Variants in RERE observed in about 807,000 individuals in gnomAD.
RERE encodes the protein arginine-glutamic acid dipeptide repeats.
A neutral mutation model predicts 146.1 loss-of-function variants in RERE; 40 were observed. The observed-to-expected ratio is 0.27, with a 90% CI of 0.21 to 0.36. The LOEUF (loss-of-function observed/expected upper bound fraction) is 0.36. Ranked by LOEUF, RERE falls within the 10% of genes least tolerant of loss-of-function variation. The probability of loss-of-function intolerance (pLI) is 1.00; values close to 1 mark genes in which losing one functional copy is unlikely to be tolerated. For synonymous variants in RERE, 1,003 were observed against 866.0 expected (o/e 1.16, Z -2.78); for missense variants, 1,933 against 2,138.7 (o/e 0.90, Z 1.90).
intron 10 of RERE, among the ~76,000 whole-genome samples, chr1:8,486,421 T>C (rs1055791604): frequency 3.9e-5 from 6 of 152,152 alleles, no homozygotes; most frequent in Non-Finnish European, 7.4e-5. Flanking sequence ...CCCAAGTATC[T>C]GGAAATTAAG....
intron 21 of RERE, 110 bp from the exon 22 acceptor site, chr1:8,355,709 G>A: frequency 1.1e-6 from 1 of 946,606 alleles, no homozygotes. Flanking sequence ...TGCCAGTTCG[G>A]ACACAGGAGC....
Position 8,365,763 on chromosome 1 carries a change from C to A in RERE, c.1447+49G>T, listed in dbSNP as rs760996184. ...CGGGCCCAGAGTGGGACAGGCTGCC[C>A]GTGAACAGTCTCCCCTCCGCCCACT... On this transcript the variant is annotated intron_variant, in intron 13 of 22. Coordinates refer to ENST00000400908, the MANE Select transcript of RERE (RefSeq NM_001042681.2). 5.6e-6 allele frequency: 9 copies of A among 1,600,060 alleles called. No individual in the cohort carries two copies. In the African/African-American group the frequency reaches 1.2e-4, roughly 21 times the overall value.
intron 1 of RERE, among the ~76,000 whole-genome samples, chr1:8,699,593 T>C (rs1012292959): frequency 2.9e-4 from 44 of 152,206 alleles, no homozygotes; most frequent in African/African-American, 1.1e-3. Flanking sequence ...AATGAACTTG[T>C]GATATAACCT....
chr1:8,527,124 C>T (rs1325274565), intron 7 of RERE, among the ~76,000 whole-genome samples: 2 of 152,162 alleles, frequency 1.3e-5, no homozygotes, highest in South Asian at 2.1e-4. Context: ...CCCGTTTATG[C>T]TATGAAATAA....
At chr1:8,618,698 C>T (rs1002715763) in intron 3 of RERE, among the ~76,000 whole-genome samples, 1 of 152,156 alleles carries the variant, frequency 6.6e-6, no homozygotes, top group African/African-American at 2.4e-5. Context: ...AATGTGTGCA[C>T]AAAGAGTATG....
At chr1:8,374,325 C>T (rs1219916558) in intron 12 of RERE, among the ~76,000 whole-genome samples, 1 of 152,152 alleles carries the variant, frequency 6.6e-6, no homozygotes, top group Non-Finnish European at 1.5e-5. Flanking sequence ...ATGTTCCTTA[C>T]CCAGGCACCT....
chr1:8,510,998 C>A (rs1054336551), intron 7 of RERE, among the ~76,000 whole-genome samples: 11 of 152,042 alleles, frequency 7.2e-5, no homozygotes, highest in Admixed American at 5.2e-4. Flanking sequence ...CAAAGGGACC[C>A]CCACCTCAGC....
Position 8,582,565 on chromosome 1 carries a change from T to C in RERE, c.523-25042A>G, listed in dbSNP as rs1338577790. ...ATTTTAAGGGTTACTTTCTAAACCA[T>C]AGGAAAATTAGCTGGGTGTGGTGGT... On this transcript the variant is annotated intron_variant, in intron 4 of 22. Transcript: ENST00000400908. Among the ~76,000 whole-genome samples the C allele has an allele frequency of 2.6e-5, 4 of 152,108 alleles. No individual in the cohort carries two copies. In the South Asian group the frequency reaches 6.2e-4, roughly 24 times the overall value.
At chr1:8,367,603 G>A (rs1431895814) in intron 12 of RERE, among the ~76,000 whole-genome samples, 1 of 152,052 alleles carries the variant, frequency 6.6e-6, no homozygotes, top group South Asian at 2.1e-4. Context: ...GAGCCATCTC[G>A]GGACAAGCAC....
At chr1:8,588,349 C>T (rs548033529) in intron 4 of RERE, among the ~76,000 whole-genome samples, 95 of 152,280 alleles carry the variant, frequency 6.2e-4, no homozygotes, top group African/African-American at 2.0e-3. Context: ...ACACGTCTGA[C>T]TTTTTAAATT....
intron 1 of RERE, among the ~76,000 whole-genome samples, chr1:8,789,301 A>AAAAAAAAAAAAAAAATATATATATAT: frequency 1.6e-4 from 4 of 24,814 alleles, no homozygotes; most frequent in African/African-American, 4.6e-4. Context: ...AAAAAAAAAA[A>AAAAAAAAAAAAAAAATATATATATAT]ATATATATAT....
At chr1:8,660,327 A>C (rs1049320542) in intron 1 of RERE, among the ~76,000 whole-genome samples, 16 of 152,242 alleles carry the variant, frequency 1.1e-4, no homozygotes, top group African/African-American at 3.9e-4. Context: ...GAGAGGAACC[A>C]GATGGCACTG....
intron 9 of RERE, 46 bp from the exon 10 acceptor site, chr1:8,495,208 G>A (rs1322518261): frequency 1.4e-6 from 2 of 1,397,726 alleles, no homozygotes; most frequent in East Asian, 2.3e-5. Context: ...AGTAATATCA[G>A]GACAGAGACT....
Position 8,622,981 on chromosome 1 carries a change from T to C in RERE, c.396+1329A>G, listed in dbSNP as rs187866307. Among the ~76,000 whole-genome samples, 445 of 152,254 alleles carry C rather than the reference T, an allele frequency of 2.9e-3. 3 individuals are homozygous for C. Among genetic ancestry groups the C allele is most frequent in the African/African-American group, 0.01 (424 of 41,538 alleles). On this transcript the variant is annotated intron_variant, in intron 3 of 22. Transcript: ENST00000400908. The stretch of plus-strand genomic sequence containing the variant: ...GAGCATTCACAGATAGTGATACACA[T>C]CTCTACAAAGCTAAGGAATTACGAA...
rs1468001095 is a variant in RERE at position 8,423,779 on chromosome 1, A to G, written c.1204-972T>C. 5.1e-6 allele frequency: 4 copies of G among 778,246 alleles called. No individual in the cohort carries two copies. The highest frequency in any genetic ancestry group is 6.2e-6 in the Non-Finnish European group (4 of 644,712). 48.2% of individuals were successfully genotyped at this position (778,246 alleles called of 1,614,324 possible). ...CTGGGGCCGCCGCTGACGGGGGAGG[A>G]GGCAGGAGCGCGGCGCGCAGAGCCC... On this transcript the variant is annotated intron_variant, in intron 11 of 22. Coordinates refer to ENST00000400908, the MANE Select transcript of RERE (RefSeq NM_001042681.2). This position sits in a 1 kb window ranked among gnomAD's most constrained non-coding sequence, Gnocchi z 5.4.
intron 11 of RERE, chr1:8,465,043 G>A (rs1183911367): frequency 6.6e-6 from 1 of 152,278 alleles, no homozygotes; most frequent in Non-Finnish European, 1.5e-5. Context: ...GTGTATTAGT[G>A]CCAGCCTTCA....
chr1:8,534,619 TAAC>T (rs1645700348), intron 7 of RERE, among the ~76,000 whole-genome samples: 1 of 151,898 alleles, frequency 6.6e-6, no homozygotes, highest in Admixed American at 6.6e-5. Flanking sequence ...TCAAAATGAA[TAAC>T]AACAGCAGCA....
At chr1:8,744,147 T>G (rs943272751) in intron 1 of RERE, among the ~76,000 whole-genome samples, 1 of 152,216 alleles carries the variant, frequency 6.6e-6, no homozygotes. Flanking sequence ...ATGATTCCCT[T>G]TCATTTAACT....
chr1:8,567,747 T>C (rs1439674697), intron 4 of RERE, among the ~76,000 whole-genome samples: 1 of 152,208 alleles, frequency 6.6e-6, no homozygotes, highest in Non-Finnish European at 1.5e-5. Flanking sequence ...AGGTAAAACC[T>C]TGGGAATATT....
Sources: gnomAD v4.1 joint callset for allele counts (sites outside exome capture counted in the v4.1 genomes callset) on GRCh38, gnomAD v4.1.1 for gene constraint, Gnocchi (gnomAD v3.1) non-coding constraint, MANE v1.5 for transcripts, NCBI Gene and HGNC (gene_info 2026-07-23, HGNC 2026-07-21) for gene names.